KCNMA1: variants seen among roughly 807,000 people sequenced by gnomAD.
KCNMA1 encodes the protein Calcium-activated potassium channel subunit alpha-1.
In KCNMA1, 29 loss-of-function variants were observed where a neutral mutation model predicts 140.0. The observed-to-expected ratio is 0.21, with a 90% CI of 0.15 to 0.28. The LOEUF (loss-of-function observed/expected upper bound fraction) is 0.28, where lower values mean the gene tolerates loss of function less well. Ranked by LOEUF, KCNMA1 falls within the 10% of genes least tolerant of loss-of-function variation. KCNMA1 has a pLI of 1.00. For synonymous variants in KCNMA1, 612 were observed against 611.9 expected (o/e 1.00, Z 0.00); for missense variants, 880 against 1,602.2 (o/e 0.55, Z 7.70).
chr10:77,294,103 C>G (rs373762642), intron 2 of KCNMA1, among the ~76,000 whole-genome samples: 10 of 152,372 alleles, frequency 6.6e-5, no homozygotes, highest in South Asian at 2.1e-4. Context: ...GCAACGTGGA[C>G]AGACAAAAGA....
At chr10:77,007,221 G>A (rs538976527) in intron 18 of KCNMA1, among the ~76,000 whole-genome samples, 1 of 152,192 alleles carries the variant, frequency 6.6e-6, no homozygotes, top group African/African-American at 2.4e-5. Flanking sequence ...TCAGACACTT[G>A]TATTGACTTG....
chr10:77,416,836 C>A (rs10740467), intron 1 of KCNMA1, among the ~76,000 whole-genome samples: 66,756 of 152,050 alleles, frequency 0.44, 15,372 homozygotes, highest in Admixed American at 0.53. Flanking sequence ...TGAAGAAATT[C>A]TGTTTTTTGT....
At position 77,383,532 on chromosome 10, in the gene KCNMA1, A is replaced by G. The variant is rs1407216786; in HGVS notation, c.540+20330T>C. Reference sequence around the variant, plus strand: ...ATTAAGTACATTCACATGGTCGCTCAGCCATCACCATTATCCATCTAGAAA... The same window carrying G: ...ATTAAGTACATTCACATGGTCGCTCGGCCATCACCATTATCCATCTAGAAA... On this transcript the variant is annotated intron_variant, in intron 2 of 27. Coordinates refer to ENST00000286628, the MANE Select transcript of KCNMA1 (RefSeq NM_001161352.2). 2.0e-5 allele frequency among the ~76,000 whole-genome samples: 3 copies of G among 152,066 alleles called. No homozygotes were observed. The East Asian group carries it at 5.8e-4, about 29-fold the overall frequency.
At chr10:77,414,935 A>C (rs1484597941) in intron 1 of KCNMA1, among the ~76,000 whole-genome samples, 1 of 152,192 alleles carries the variant, frequency 6.6e-6, no homozygotes, top group African/African-American at 2.4e-5. Flanking sequence ...CTGTCTTGGG[A>C]TAGGTCCAAT....
chr10:77,164,217 G>A (rs187937850), intron 5 of KCNMA1, among the ~76,000 whole-genome samples: 127 of 152,264 alleles, frequency 8.3e-4, no homozygotes, highest in African/African-American at 2.9e-3. Context: ...AAGGCAAGGC[G>A]GCCAGCCCCA....
intron 5 of KCNMA1, among the ~76,000 whole-genome samples, chr10:77,125,028 A>G (rs1408092858): frequency 2.0e-5 from 3 of 152,268 alleles, no homozygotes; most frequent in Non-Finnish European, 4.4e-5. Context: ...TAAAACCATC[A>G]GATTTCGTGA....
chr10:76,891,624 G>C lies in KCNMA1; in HGVS notation c.3243C>G (p.Ala1081=). The part of the protein sequence containing the change: ...ELEALIAEEN[A]LRGGYSTPQT... ...GCGGGGTGCTGTAGCCACCTCTAAG[G>C]GCGTTTTCCTCAGCAATCAGAGCCT... Residue 1081 remains alanine (A), a synonymous_variant, in exon 26 of 28, where the codon GCC becomes GCG. Coordinates refer to ENST00000286628, the MANE Select transcript of KCNMA1 (RefSeq NM_001161352.2). The C allele has an allele frequency of 6.2e-7, 1 of 1,614,048 alleles. No homozygotes were observed. Among genetic ancestry groups the C allele is most frequent in the Non-Finnish European group, 8.5e-7 (1 of 1,180,008 alleles).
chr10:77,309,612 T>A (rs1056436062), intron 2 of KCNMA1: 2 of 152,212 alleles, frequency 1.3e-5, no homozygotes, highest in Non-Finnish European at 2.9e-5. Flanking sequence ...TCCAGACTGG[T>A]GTGTTCTCCA....
chr10:77,044,215 C>T (rs1348567053), intron 14 of KCNMA1, among the ~76,000 whole-genome samples: 1 of 152,130 alleles, frequency 6.6e-6, no homozygotes, highest in Non-Finnish European at 1.5e-5. Flanking sequence ...AGTCTTTATA[C>T]CTACCCAAGG....
intron 1 of KCNMA1, among the ~76,000 whole-genome samples, chr10:77,457,840 C>T (rs2097785535): frequency 6.6e-6 from 1 of 152,118 alleles, no homozygotes; most frequent in Non-Finnish European, 1.5e-5. Context: ...CCTGCGAGTG[C>T]AGTGCCTCCA....
chr10:77,217,596 C>T, intron 3 of KCNMA1: 2 of 450,988 alleles, frequency 4.4e-6, no homozygotes, highest in Non-Finnish European at 9.0e-6. Flanking sequence ...ACAGATGACA[C>T]AGACAGAACA....
chr10:76,909,740 T>C (rs1292978607), intron 25 of KCNMA1, among the ~76,000 whole-genome samples: 2 of 152,212 alleles, frequency 1.3e-5, no homozygotes, highest in African/African-American at 2.4e-5. Flanking sequence ...CCCTCACCTA[T>C]ATTTCCTTCT....
downstream of KCNMA1, among the ~76,000 whole-genome samples, chr10:76,881,228 T>G (rs1378957640): frequency 1.3e-5 from 2 of 152,198 alleles, no homozygotes. Flanking sequence ...AGGTGAAAGT[T>G]AAGCAGATCT....
rs187361893 is a variant in KCNMA1, at chr10:77,585,630, T to C, written c.378+51635A>G. On this transcript the variant is annotated intron_variant, in intron 1 of 27. Coordinates refer to ENST00000286628, the MANE Select transcript of KCNMA1 (RefSeq NM_001161352.2). ...TCTTCAACATTGTTTGTATAAAAAT[T>C]ATGTATTCTGCAAGGATGAGATCAG... 1.6e-3 allele frequency among the ~76,000 whole-genome samples: 242 copies of C among 152,250 alleles called. 1 individual carries two copies. Among genetic ancestry groups the C allele is most frequent in the African/African-American group, 5.6e-3 (231 of 41,500 alleles).
intron 3 of KCNMA1, among the ~76,000 whole-genome samples, chr10:77,210,443 C>G (rs1288111669): frequency 6.6e-6 from 1 of 152,074 alleles, no homozygotes; most frequent in Admixed American, 6.6e-5. Context: ...CTATGACAAA[C>G]CCACAACCAA....
chr10:76,925,005 C>A (rs890924055), intron 23 of KCNMA1, among the ~76,000 whole-genome samples: 7 of 152,196 alleles, frequency 4.6e-5, no homozygotes, highest in African/African-American at 1.7e-4. Flanking sequence ...TCCCTCCCAA[C>A]CCAGCTCCTG....
chr10:77,481,013 G>A (rs2098385156), intron 1 of KCNMA1, among the ~76,000 whole-genome samples: 2 of 151,144 alleles, frequency 1.3e-5, no homozygotes, highest in Non-Finnish European at 3.0e-5. Flanking sequence ...CCAGCTACTT[G>A]GGAGGCTAAG....
intron 1 of KCNMA1, among the ~76,000 whole-genome samples, chr10:77,617,827 A>C (rs1435792879): frequency 6.6e-6 from 1 of 152,176 alleles, no homozygotes; most frequent in Admixed American, 6.5e-5. Context: ...CAGTTTTCTC[A>C]TTGGGTCATG....
At chr10:77,255,769 C>G (rs1239547457) in intron 2 of KCNMA1, among the ~76,000 whole-genome samples, 6 of 151,810 alleles carry the variant, frequency 4.0e-5, no homozygotes, top group Admixed American at 2.0e-4. Context: ...AAAAGTTAGC[C>G]AGGCATGGTG....
Sources: allele counts gnomAD v4.1 joint callset (sites outside exome capture counted in the v4.1 genomes callset), GRCh38; gene constraint gnomAD v4.1.1; transcripts MANE v1.5; gene names NCBI Gene and HGNC (gene_info 2026-07-23, HGNC 2026-07-21).